Variants in SHANK2 observed in about 807,000 individuals in gnomAD.
SHANK2 encodes the protein SH3 and multiple ankyrin repeat domains 2, also known as SH3 and multiple ankyrin repeat domains protein 2.
In SHANK2, 43 loss-of-function variants were observed where a neutral mutation model predicts 133.7. The observed-to-expected ratio is 0.32, with a 90% CI of 0.25 to 0.41. The LOEUF is 0.41. SHANK2 is among the 10% of genes least tolerant of loss of function. SHANK2 has a pLI of 1.00. For synonymous variants in SHANK2, 1,017 were observed against 952.8 expected, an observed-to-expected ratio of 1.07 and a Z score of -1.24; for missense variants, 1,994 against 2,235.8, an observed-to-expected ratio of 0.89 and a Z score of 2.18.
chr11:70,891,526 A>C (rs553215355), intron 11 of SHANK2, among the ~76,000 whole-genome samples: 5 of 152,152 alleles, frequency 3.3e-5, no homozygotes, highest in East Asian at 3.9e-4. Flanking sequence ...AAAACAAAAA[A>C]ACACCAGAAT....
At chr11:70,555,343 C>T (rs1285864788) in intron 17 of SHANK2, among the ~76,000 whole-genome samples, 1 of 152,192 alleles carries the variant, frequency 6.6e-6, no homozygotes, top group Non-Finnish European at 1.5e-5. Flanking sequence ...AACAATTAAG[C>T]TTAGTGAGGA....
chr11:70,558,067 G>C (rs1036227903), intron 17 of SHANK2, among the ~76,000 whole-genome samples: 6 of 152,220 alleles, frequency 3.9e-5, no homozygotes, highest in Non-Finnish European at 8.8e-5. Flanking sequence ...ACCGTGAGGG[G>C]GCCCGGGGTC....
intron 13 of SHANK2, among the ~76,000 whole-genome samples, chr11:70,806,245 C>T (rs1007681858): frequency 6.6e-6 from 1 of 152,210 alleles, no homozygotes; most frequent in Non-Finnish European, 1.5e-5. Context: ...TGGCGGGGCC[C>T]GGGCATGCTG....
intron 14 of SHANK2, among the ~76,000 whole-genome samples, chr11:70,747,587 T>C (rs1371029838): frequency 5.3e-5 from 8 of 152,248 alleles, no homozygotes; most frequent in Non-Finnish European, 8.8e-5. Flanking sequence ...CAGGCTTGCG[T>C]TGGAGATAGC....
chr11:70,541,540 A>G (rs1367314084), intron 17 of SHANK2, among the ~76,000 whole-genome samples: 5 of 152,038 alleles, frequency 3.3e-5, no homozygotes, highest in African/African-American at 1.2e-4. Context: ...GCCTCACCAG[A>G]GACCTCTGGG....
chr11:71,245,471 G>C (rs1555124860), intron 1 of SHANK2, among the ~76,000 whole-genome samples: 1 of 152,176 alleles, frequency 6.6e-6, no homozygotes, highest in African/African-American at 2.4e-5. Context: ...AATGCTAAGA[G>C]AGCAAAAAAG....
intron 14 of SHANK2, among the ~76,000 whole-genome samples, chr11:70,716,498 C>T (rs911193386): frequency 9.9e-5 from 15 of 152,146 alleles, no homozygotes; most frequent in Admixed American, 2.0e-4. Context: ...CTTTATTGCT[C>T]GGGTTTCGGT....
chr11:71,213,046 G>C (rs1263011508), intron 2 of SHANK2, among the ~76,000 whole-genome samples: 1 of 152,072 alleles, frequency 6.6e-6, no homozygotes, highest in Non-Finnish European at 1.5e-5. Flanking sequence ...AGAGGAGCAG[G>C]AACCGAAAGA....
At chr11:70,869,851 T>C (rs1949430474) in intron 11 of SHANK2, among the ~76,000 whole-genome samples, 1 of 152,172 alleles carries the variant, frequency 6.6e-6, no homozygotes, top group African/African-American at 2.4e-5. Flanking sequence ...CAGTCGCCGC[T>C]GGGTCAGTGC....
chr11:70,741,219 G>T (rs1339623661), intron 14 of SHANK2, among the ~76,000 whole-genome samples: 8 of 148,752 alleles, frequency 5.4e-5, no homozygotes, highest in African/African-American at 2.0e-4. Context: ...AAACATTCAT[G>T]CATTTAACCA....
chr11:70,502,745 C>CA (rs782357203), intron 18 of SHANK2, 51 bp downstream of exon 18: 18 of 883,798 alleles, frequency 2.0e-5, no homozygotes, highest in South Asian at 1.0e-4. Context: ...GCCCCCACCC[C>CA]CCCCCCCCAG....
chr11:70,664,686 T>G (rs1375625328), intron 15 of SHANK2, among the ~76,000 whole-genome samples: 1 of 152,192 alleles, frequency 6.6e-6, no homozygotes, highest in Non-Finnish European at 1.5e-5. Context: ...CCCAGACCAC[T>G]TCCTGCCAGC....
rs1042669506 is a variant in SHANK2 at position 71,234,157 on chromosome 11, C to T, written c.-112-9361G>A. On this transcript the variant is annotated intron_variant, in intron 1 of 25. Coordinates refer to ENST00000601538, the MANE Select transcript of SHANK2 (RefSeq NM_012309.5). ...GGTCAGGGATTTGAGACCAGCCTGG[C>T]CAACATAGTGAAACTCCCTCTCTAC... Among the ~76,000 whole-genome samples, 5 of 122,438 alleles carry T rather than the reference C, an allele frequency of 4.1e-5. No homozygotes were observed. In the East Asian group the frequency reaches 1.4e-3, roughly 35 times the overall value. 80.3% of individuals were successfully genotyped at this position (122,438 alleles called of 152,430 possible).
rs782660881 is a variant in SHANK2, at chr11:70,798,492, C to A, written c.1728G>T (p.Pro576=). The change falls in exon 14 of 26, where the codon CCG becomes CCT. Residue 576 remains proline, a synonymous_variant. Coordinates refer to ENST00000601538, the MANE Select transcript of SHANK2 (RefSeq NM_012309.5). ...ACTGGACCTCCTCCACGCACTCCGC[C>A]GGAAACCATCCGATGTGGCCGCGGG... ...GSARGHIGWF[P]AECVEEVQCK... is the part of the protein sequence containing the mutation. 1.4e-6 allele frequency: 1 copy of A among 718,442 alleles called. No homozygotes were observed. The highest frequency in any genetic ancestry group is 1.7e-5 in the African/African-American group (1 of 57,252). 44.5% of individuals were successfully genotyped at this position (718,442 alleles called of 1,614,324 possible). A position where few individuals can be genotyped will look rare whatever the true frequency, so the allele number is the denominator to read the frequency against.
intron 17 of SHANK2, among the ~76,000 whole-genome samples, chr11:70,615,150 G>A (rs2060721389): frequency 6.6e-6 from 1 of 152,216 alleles, no homozygotes; most frequent in Non-Finnish European, 1.5e-5. Context: ...ACCAAGAGCT[G>A]TTGGGGAATG....
At chr11:70,828,395 T>G (rs1353343055) in intron 11 of SHANK2, among the ~76,000 whole-genome samples, 1 of 152,254 alleles carries the variant, frequency 6.6e-6, no homozygotes, top group Non-Finnish European at 1.5e-5. Context: ...ATTCTCACCC[T>G]ACCATGCATC....
In SHANK2 at chr11:70,913,097, A is replaced by C. The variant is rs1031124771; in HGVS notation, c.1108-16530T>G. Among the ~76,000 whole-genome samples the C allele has an allele frequency of 4.6e-5, 7 of 151,816 alleles. No homozygotes were observed. In the East Asian group the frequency reaches 7.7e-4, roughly 17 times the overall value. On this transcript the variant is annotated intron_variant, in intron 10 of 25. Transcript: ENST00000601538. ...AGAAAAGGAAATTAAAAAAAAAAAA[A>C]AAACCTACCCTCCCATCCTCTCACA...
chr11:71,251,996 G>T (rs1555125927), intron 1 of SHANK2, among the ~76,000 whole-genome samples: 1 of 152,096 alleles, frequency 6.6e-6, no homozygotes. Flanking sequence ...GGGCTGGCGG[G>T]CGGTGACCCG....
intron 2 of SHANK2, among the ~76,000 whole-genome samples, chr11:71,194,827 C>A (rs1555115957): frequency 6.6e-6 from 1 of 152,174 alleles, no homozygotes; most frequent in African/African-American, 2.4e-5. Flanking sequence ...CACAGAAGAC[C>A]TGCTACAGCT....
Sources: allele counts gnomAD v4.1 joint callset (sites outside exome capture counted in the v4.1 genomes callset), GRCh38; gene constraint gnomAD v4.1.1; transcripts MANE v1.5; gene names NCBI Gene and HGNC (gene_info 2026-07-23, HGNC 2026-07-21).